LINGO2: variants seen among roughly 807,000 people sequenced by gnomAD.
The protein encoded by LINGO2 is leucine rich repeat and Ig domain containing 2, also known as leucine-rich repeat and immunoglobulin-like domain-containing nogo receptor-interacting protein 2.
LINGO2 carries 14 observed loss-of-function variants against 30.6 expected under a neutral mutation model. That is an observed-to-expected ratio of 0.46 (90% CI 0.30 to 0.72). The LOEUF (loss-of-function observed/expected upper bound fraction) is 0.72. LINGO2 is among the 30% of genes least tolerant of loss of function. The probability of loss-of-function intolerance (pLI) is 0.07; values close to 1 mark genes in which losing one functional copy is unlikely to be tolerated. For synonymous variants in LINGO2, 317 were observed against 288.5 expected (o/e 1.10, Z -1.00); for missense variants, 729 against 751.7 (o/e 0.97, Z 0.35).
intron 1 of LINGO2, among the ~76,000 whole-genome samples, chr9:28,482,193 C>G (rs543973516): frequency 0.018 from 2,799 of 151,858 alleles, 94 homozygotes; most frequent in African/African-American, 0.062. Flanking sequence ...CCTGAGGAAT[C>G]GCCACACTGA....
intron 5 of LINGO2, among the ~76,000 whole-genome samples, chr9:27,996,794 G>GT (rs1209086521): frequency 6.6e-6 from 1 of 152,144 alleles, no homozygotes; most frequent in Admixed American, 6.5e-5. Flanking sequence ...AATGTTTGAG[G>GT]TAGTGGATAT....
intron 4 of LINGO2, among the ~76,000 whole-genome samples, chr9:28,020,835 G>C (rs1823081962): frequency 6.6e-6 from 1 of 152,062 alleles, no homozygotes; most frequent in South Asian, 2.1e-4. Context: ...GTTGCTTGTA[G>C]CATTTCTTTA....
At chr9:28,801,925 G>A in the LINGO2 span, among the ~76,000 whole-genome samples, 11 of 151,862 alleles carry the variant, frequency 7.2e-5, no homozygotes, top group African/African-American at 2.7e-4. Context: ...AAAATATAGT[G>A]TGCCAAAATA....
At chr9:29,063,433 G>A in the LINGO2 span, among the ~76,000 whole-genome samples, 2 of 146,274 alleles carry the variant, frequency 1.4e-5, no homozygotes, top group Non-Finnish European at 3.0e-5. Flanking sequence ...ACAGAATCTC[G>A]CTATTGTCAC....
the LINGO2 span, among the ~76,000 whole-genome samples, chr9:28,826,953 G>A: frequency 6.6e-6 from 1 of 152,152 alleles, no homozygotes; most frequent in East Asian, 1.9e-4. Context: ...TGCCATGGAT[G>A]CTATAGTTAT....
chr9:28,792,940 A>C, the LINGO2 span, among the ~76,000 whole-genome samples: 1 of 152,276 alleles, frequency 6.6e-6, no homozygotes, highest in South Asian at 2.1e-4. Flanking sequence ...ACTCATGTAA[A>C]TTATCTATTA....
chr9:28,177,537 AAAG>A, intron 4 of LINGO2, among the ~76,000 whole-genome samples: 1 of 152,328 alleles, frequency 6.6e-6, no homozygotes, highest in East Asian at 1.9e-4. Context: ...AATGAAAATA[AAAG>A]AAGTACCTAC....
At chr9:28,250,593 CTG>C (rs1296667442) in intron 4 of LINGO2, among the ~76,000 whole-genome samples, 2 of 152,176 alleles carry the variant, frequency 1.3e-5, no homozygotes, top group African/African-American at 4.8e-5. Context: ...ACAGAAATAT[CTG>C]TGTCCCCATC....
chr9:28,941,239 C>T, the LINGO2 span, among the ~76,000 whole-genome samples: 1 of 152,046 alleles, frequency 6.6e-6, no homozygotes, highest in Admixed American at 6.6e-5. Context: ...GGCTGAGAGG[C>T]CTGACACTTC....
At chr9:28,348,321 C>T (rs1353927637) in intron 3 of LINGO2, among the ~76,000 whole-genome samples, 1 of 152,134 alleles carries the variant, frequency 6.6e-6, no homozygotes, top group African/African-American at 2.4e-5. Flanking sequence ...CAGGGCGAGG[C>T]ATTGCCTCAC....
chr9:28,095,043 TAA>T (rs1446421245), intron 4 of LINGO2, among the ~76,000 whole-genome samples: 2 of 152,242 alleles, frequency 1.3e-5, no homozygotes, highest in Admixed American at 6.5e-5. Context: ...ATTCCACAAT[TAA>T]AAGTTTAATA....
the LINGO2 span, among the ~76,000 whole-genome samples, chr9:29,063,306 C>G: frequency 1.3e-5 from 2 of 152,118 alleles, no homozygotes; most frequent in Non-Finnish European, 1.5e-5. Context: ...AGACAGTGTA[C>G]TGTATGAATT....
At chr9:27,941,916 T>A in the LINGO2 span, 5 of 152,128 alleles carry the variant, frequency 3.3e-5, no homozygotes, top group Non-Finnish European at 1.5e-5. Flanking sequence ...GAAGGCTAAC[T>A]CAGAAAGAAA....
chr9:27,949,965 G>A lies in LINGO2; in HGVS notation c.707C>T (p.Pro236Leu), dbSNP rs150913329. The A allele has an allele frequency of 6.2e-6, 10 of 1,613,958 alleles. No individual in the cohort carries two copies. In the African/African-American group the frequency reaches 1.1e-4, roughly 17 times the overall value. ...ATTGGCAGGCATCATATCCAGTAAA[G>A]GCCAATAGTCAATCTCTAGGTGTTT... is the stretch of plus-strand genomic sequence containing the variant. Residue 236 changes from proline to leucine, a missense_variant, in exon 6 of 6, where the codon CCT (proline) becomes CTT (leucine). Pro to Leu is a moderately conservative substitution (Grantham distance 98, BLOSUM62 -3). Transcript: ENST00000379992.
the LINGO2 span, among the ~76,000 whole-genome samples, chr9:29,044,651 T>C: frequency 3.3e-5 from 5 of 152,046 alleles, no homozygotes; most frequent in African/African-American, 1.2e-4. Flanking sequence ...AGTCTTTACT[T>C]TGTTGTTTGT....
At chr9:28,292,927 C>T (rs531027105) in intron 4 of LINGO2, among the ~76,000 whole-genome samples, 7 of 151,666 alleles carry the variant, frequency 4.6e-5, no homozygotes, top group South Asian at 2.1e-4. Flanking sequence ...CCCGCCACCA[C>T]GCTTGGATAA....
chr9:28,776,316 G>C, the LINGO2 span, among the ~76,000 whole-genome samples: 2 of 152,008 alleles, frequency 1.3e-5, no homozygotes, highest in African/African-American at 4.8e-5. Context: ...TAATGTGCTA[G>C]CCCATGAATC....
chr9:28,685,977 A>ATGCGTG, the LINGO2 span, among the ~76,000 whole-genome samples: 1 of 145,584 alleles, frequency 6.9e-6, no homozygotes, highest in African/African-American at 2.5e-5. Flanking sequence ...AACATATATG[A>ATGCGTG]TGTGTGTGTG....
the LINGO2 span, among the ~76,000 whole-genome samples, chr9:29,062,573 T>C: frequency 2.0e-5 from 3 of 152,066 alleles, no homozygotes; most frequent in South Asian, 6.2e-4. Flanking sequence ...CTAAGTGAAA[T>C]AAGCCAGCCA....
Sources: allele counts gnomAD v4.1 joint callset (sites outside exome capture counted in the v4.1 genomes callset), GRCh38; gene constraint gnomAD v4.1.1; transcripts MANE v1.5; gene names NCBI Gene and HGNC (gene_info 2026-07-23, HGNC 2026-07-21).